The following LRRC47 variants were observed in gnomAD, a reference collection of about 807,000 sequenced individuals.
LRRC47 encodes leucine-rich repeat-containing protein 47.
Under a neutral mutation model 40.9 loss-of-function variants are expected in LRRC47, and 31 were observed. That is an observed-to-expected ratio of 0.76 (90% CI 0.57 to 1.02). LRRC47 has a LOEUF of 1.02. Ranked by LOEUF, LRRC47 falls within the 50% of genes least tolerant of loss-of-function variation. The pLI is 0.00. For missense variants in LRRC47, 726 were observed against 796.1 expected (o/e 0.91, Z 1.06); for synonymous variants, 427 against 371.9 (o/e 1.15, Z -1.70).
At position 3,784,658 on chromosome 1, in the gene LRRC47, A is replaced by G. The variant is rs79696707; in HGVS notation, c.1194+429T>C. Among the ~76,000 whole-genome samples, 1,398 of 152,338 alleles carry G rather than the reference A, an allele frequency of 9.2e-3. 48 individuals carry two copies. In the East Asian group the frequency reaches 0.11, roughly 12 times the overall value. On this transcript the variant is annotated intron_variant, in intron 3 of 6. Transcript: ENST00000378251. Reference sequence around the variant, plus strand: ...AGTAACCGCAAACGCGGTCTGTTTCATTATTTCATGTCTTTGCAAGAACAG... The same window carrying G: ...AGTAACCGCAAACGCGGTCTGTTTCGTTATTTCATGTCTTTGCAAGAACAG...
In LRRC47 at chr1:3,781,055, C is replaced by T. The variant is rs1398167379; in HGVS notation, c.*33G>A. ...TGCCGCATAGAAACCTCCGCAAAACCGGCCAAACAAACGCGGACAGGCGGC... is the reference window on the plus strand; with the variant it reads ...TGCCGCATAGAAACCTCCGCAAAACTGGCCAAACAAACGCGGACAGGCGGC... On this transcript the variant is annotated 3_prime_UTR_variant, in exon 7 of 7. Coordinates refer to ENST00000378251, the MANE Select transcript of LRRC47 (RefSeq NM_020710.3). The T allele has an allele frequency of 8.1e-6, 13 of 1,597,732 alleles. No homozygotes were observed. The highest frequency in any genetic ancestry group is 5.4e-5 in the African/African-American group (4 of 74,608).
chr1:3,786,478 A>T (rs1304135153), intron 2 of LRRC47, among the ~76,000 whole-genome samples: 1 of 151,900 alleles, frequency 6.6e-6, no homozygotes, highest in African/African-American at 2.4e-5. Context: ...CCAGCCTGGG[A>T]GACAAAGCGA....
Position 3,787,265 on chromosome 1 carries a change from G to A in LRRC47, c.661C>T (p.Leu221Phe). 6.2e-7 allele frequency: 1 copy of A among 1,613,288 alleles called. No individual in the cohort carries two copies. The highest frequency in any genetic ancestry group is 8.5e-7 in the Non-Finnish European group (1 of 1,180,034). ...TCCTTGAGCTTGGGGCAGTCCGCAA[G>A]CTCTGCAGGGATCTCGCTCAGCTGG... ...NNQLSEIPAE[L>F]ADCPKLKEIN... The change falls in exon 2 of 7, where the codon CTT becomes TTT. Residue 221 changes from leucine to phenylalanine, a missense_variant. Leu to Phe is a conservative substitution (Grantham distance 22). Transcript: ENST00000378251.
intron 1 of LRRC47, among the ~76,000 whole-genome samples, chr1:3,794,463 C>G (rs1339700748): frequency 6.6e-6 from 1 of 151,956 alleles, no homozygotes; most frequent in East Asian, 2.0e-4. Flanking sequence ...CCTCCCACCT[C>G]AGCCTCCCGA....
At position 3,780,626 on chromosome 1, in the gene LRRC47, A is replaced by G. The variant is rs911795147; in HGVS notation, c.*462T>C. 6.4e-6 allele frequency: 1 copy of G among 156,106 alleles called. No homozygotes were observed. The highest frequency in any genetic ancestry group is 6.4e-5 in the Admixed American group (1 of 15,656). The allele number at this position is 156,106 out of a possible 1,614,324, so 9.7% of individuals were successfully genotyped here. A position where few individuals can be genotyped will look rare whatever the true frequency, so the allele number is the denominator to read the frequency against. On this transcript the variant is annotated 3_prime_UTR_variant, in exon 7 of 7. Coordinates refer to ENST00000378251, the MANE Select transcript of LRRC47 (RefSeq NM_020710.3). ...CAGAATCATCTGGAAAAACAGAACA[A>G]CGAATACATACATCTTAAAAAATGC...
chr1:3,794,691 C>T (rs1643657354), intron 1 of LRRC47, among the ~76,000 whole-genome samples: 1 of 151,606 alleles, frequency 6.6e-6, no homozygotes, highest in Non-Finnish European at 1.5e-5. Flanking sequence ...AAATGAGTTG[C>T]AATGTCTTGA....
chr1:3,785,306 C>A (rs545297412), intron 2 of LRRC47, 103 bp from the exon 3 acceptor site: 8 of 765,770 alleles, frequency 1.0e-5, no homozygotes, highest in African/African-American at 9.1e-5. Flanking sequence ...GAAACCCTCC[C>A]GGTCCAAGGT....
intron 4 of LRRC47, chr1:3,783,006 C>G: frequency 3.8e-6 from 2 of 532,906 alleles, no homozygotes; most frequent in Non-Finnish European, 6.7e-6. Context: ...CAGCCCAGGT[C>G]AGAAACAGAG....
At chr1:3,784,928 G>A (rs962289568) in intron 3 of LRRC47, 159 bp downstream of exon 3, 32 of 410,440 alleles carry the variant, frequency 7.8e-5, no homozygotes, top group Middle Eastern at 6.9e-4. Context: ...CCAGGAGGCA[G>A]AGGCTGCAGT....
intron 4 of LRRC47, 180 bp from the exon 5 acceptor site, chr1:3,782,943 A>G (rs1003661344): frequency 1.5e-5 from 9 of 595,688 alleles, no homozygotes; most frequent in Admixed American, 1.1e-4. Context: ...TGTCATCACT[A>G]TGGTGAGCTC....
chr1:3,784,962 T>C, intron 3 of LRRC47, 125 bp downstream of exon 3: 1 of 557,052 alleles, frequency 1.8e-6, no homozygotes, highest in Non-Finnish European at 3.0e-6. Context: ...GCCACTGCAC[T>C]CCAGCCTGGG....
chr1:3,788,167 C>T (rs934582185), intron 1 of LRRC47, among the ~76,000 whole-genome samples: 13 of 152,224 alleles, frequency 8.5e-5, no homozygotes, highest in Non-Finnish European at 5.9e-5. Context: ...GTGAGGCGGC[C>T]GCTGCAGGTT....
chr1:3,796,301 C>T lies in LRRC47; in HGVS notation c.176G>A (p.Gly59Asp). Residue 59 changes from glycine to aspartate, a missense_variant, in exon 1 of 7, where the codon GGC becomes GAC. Gly to Asp is a moderately conservative substitution (Grantham distance 94). Coordinates refer to ENST00000378251, the MANE Select transcript of LRRC47 (RefSeq NM_020710.3). ...CCCCGGCGCGCGCAAGCTCCCGCAG[C>T]CGCTCACTTCCAAGTAGTGCAGCAG... ...LPLLHYLEVS[G>D]CGSLRAPGPG... 6.7e-7 allele frequency: 1 copy of T among 1,486,416 alleles called. No individual in the cohort carries two copies. The highest frequency in any genetic ancestry group is 1.3e-5 in the South Asian group (1 of 78,964). 92.1% of individuals were successfully genotyped at this position (1,486,416 alleles called of 1,614,324 possible).
intron 1 of LRRC47, among the ~76,000 whole-genome samples, chr1:3,787,937 C>T (rs967810114): frequency 6.6e-6 from 1 of 152,186 alleles, no homozygotes; most frequent in Non-Finnish European, 1.5e-5. Context: ...ACAGGTGCAT[C>T]GGGCCCACCA....
rs765454732 is a variant in LRRC47 at position 3,783,991 on chromosome 1, C to G, written c.1310+5G>C. ...CGGCCCCACCCCACCAGGCACGCTG[C>G]CCACCTGTGCAGGCCCGACACACTC... On this transcript the variant is annotated splice_donor_5th_base_variant and intron_variant, in intron 4 of 6. Coordinates refer to ENST00000378251, the MANE Select transcript of LRRC47 (RefSeq NM_020710.3). 4 of 1,602,168 alleles carry G rather than the reference C, an allele frequency of 2.5e-6. No homozygotes were observed. The Middle Eastern group carries it at 5.1e-4, about 205-fold the overall frequency.
chr1:3,793,259 GT>G (rs1403433996), intron 1 of LRRC47, among the ~76,000 whole-genome samples: 1 of 152,054 alleles, frequency 6.6e-6, no homozygotes, highest in Non-Finnish European at 1.5e-5. Context: ...TTACAGGCAT[GT>G]GCCACCATGC....
At chr1:3,790,574 C>T (rs535552971) in intron 1 of LRRC47, among the ~76,000 whole-genome samples, 3 of 152,328 alleles carry the variant, frequency 2.0e-5, no homozygotes, top group Non-Finnish European at 2.9e-5. Context: ...CTGAGCCCCA[C>T]GGGCCACAGC....
intron 1 of LRRC47, among the ~76,000 whole-genome samples, chr1:3,794,870 C>T (rs1643658737): frequency 6.6e-6 from 1 of 151,564 alleles, no homozygotes; most frequent in Non-Finnish European, 1.5e-5. Flanking sequence ...GCCTGACCAA[C>T]ACAGTGAAAC....
chr1:3,795,562 G>A (rs549266503), intron 1 of LRRC47, among the ~76,000 whole-genome samples: 9 of 152,358 alleles, frequency 5.9e-5, no homozygotes, highest in African/African-American at 1.9e-4. Context: ...TACAGGAGAA[G>A]CCAGGTTTGC....
Sources: allele counts gnomAD v4.1 joint callset (sites outside exome capture counted in the v4.1 genomes callset), GRCh38; gene constraint gnomAD v4.1.1; transcripts MANE v1.5; gene names NCBI Gene and HGNC (gene_info 2026-07-23, HGNC 2026-07-21).